Variants in L3MBTL1 observed in about 807,000 individuals in gnomAD.
The protein encoded by L3MBTL1 is L3MBTL histone methyl-lysine binding protein 1.
L3MBTL1 carries 75 observed loss-of-function variants against 105.3 expected under a neutral mutation model. The observed-to-expected ratio is 0.71, with a 90% CI of 0.59 to 0.86. L3MBTL1 has a LOEUF of 0.86. L3MBTL1 is among the 40% of genes least tolerant of loss of function. The pLI is 0.00. For missense variants in L3MBTL1, 1,069 were observed against 1,126.4 expected (o/e 0.95, Z 0.73); for synonymous variants, 452 against 436.2 (o/e 1.04, Z -0.45).
intron 16 of L3MBTL1, 43 bp downstream of exon 16, chr20:43,534,985 G>A (rs770106292): frequency 7.2e-7 from 1 of 1,389,300 alleles, no homozygotes; most frequent in Non-Finnish European, 9.9e-7. Flanking sequence ...TTTCCCCCCA[G>A]GTTCTGACAA....
chr20:43,516,337 T>G (rs1369566714), intron 7 of L3MBTL1, among the ~76,000 whole-genome samples, 160 bp downstream of exon 7: 1 of 152,108 alleles, frequency 6.6e-6, no homozygotes, highest in East Asian at 1.9e-4. Flanking sequence ...GAGAGACTAT[T>G]TTGGGTTTGT....
At chr20:43,514,337 C>T (rs1418875760) in intron 3 of L3MBTL1, 6 of 1,117,402 alleles carry the variant, frequency 5.4e-6, no homozygotes, top group Non-Finnish European at 7.4e-6. Context: ...CCTGAGTGGG[C>T]CTGTGTTAGT....
In L3MBTL1 at chr20:43,516,130, C is replaced by G; in HGVS notation, c.815C>G (p.Pro272Arg). 1 of 1,614,056 alleles carries G rather than the reference C, an allele frequency of 6.2e-7. No individual in the cohort carries two copies. The highest frequency in any genetic ancestry group is 8.5e-7 in the Non-Finnish European group (1 of 1,179,968). Residue 272 changes from proline to arginine, a missense_variant, in exon 7 of 22, where the codon CCC (proline) becomes CGC (arginine). Coordinates refer to ENST00000418998, the MANE Select transcript of L3MBTL1 (RefSeq NM_001377303.1). ...GAAGGAAAGGACCCAGAGGGACAACCCACTGCTAGCACCCCAGAGAGTGAG... is the reference window on the plus strand; with the variant it reads ...GAAGGAAAGGACCCAGAGGGACAACGCACTGCTAGCACCCCAGAGAGTGAG... ...QEEGKDPEGQ[P>R]TASTPESEEW...
intron 8 of L3MBTL1, 170 bp downstream of exon 8, chr20:43,528,915 G>A (rs1301442198): frequency 1.6e-6 from 1 of 621,996 alleles, no homozygotes; most frequent in African/African-American, 1.8e-5. Context: ...CCCCCATAAG[G>A]GGCTGGCAGG....
At chr20:43,524,943 AC>A (rs1331147635) in intron 7 of L3MBTL1, among the ~76,000 whole-genome samples, 2 of 152,112 alleles carry the variant, frequency 1.3e-5, no homozygotes, top group African/African-American at 4.8e-5. Flanking sequence ...GAAAATAAAC[AC>A]GTTTTTTCAT....
chr20:43,531,336 G>T (rs764507025), intron 11 of L3MBTL1: 32 of 158,674 alleles, frequency 2.0e-4, no homozygotes, highest in Non-Finnish European at 3.2e-4. Context: ...CCTCTGTTCA[G>T]GGCAGCTGGC....
At chr20:43,530,132 T>G in intron 9 of L3MBTL1, 152 bp from the exon 10 acceptor site, 1 of 863,440 alleles carries the variant, frequency 1.2e-6, no homozygotes, top group East Asian at 2.4e-5. Context: ...TAGGACAGGG[T>G]GGGGTACAAT....
intron 7 of L3MBTL1, among the ~76,000 whole-genome samples, chr20:43,520,738 G>A (rs891784987): frequency 6.6e-6 from 1 of 152,066 alleles, no homozygotes; most frequent in African/African-American, 2.4e-5. Context: ...TTTAAATTGG[G>A]TTTAAAAAAC....
Position 43,513,990 on chromosome 20 carries a change from T to TCCAGCA in L3MBTL1, c.297_302dup (p.Ser100_Thr101dup), listed in dbSNP as rs1369910904. On this transcript the variant is annotated inframe_insertion, in exon 3 of 22. Transcript: ENST00000418998. Reference sequence around the variant, plus strand: ...GCAGCTTAGCGCCGGGCCGGCCAGCTCCAGCACCAGCACAGTGCGGCTTCT... The same window carrying TCCAGCA: ...GCAGCTTAGCGCCGGGCCGGCCAGCTCCAGCACCAGCACCAGCACAGTGCGGCTTCT... 8 of 1,544,434 alleles carry TCCAGCA rather than the reference T, an allele frequency of 5.2e-6. No homozygotes were observed. Among genetic ancestry groups the TCCAGCA allele is most frequent in the Admixed American group, 2.0e-5 (1 of 50,980 alleles).
chr20:43,541,380 G>A lies in L3MBTL1; in HGVS notation c.*252G>A, dbSNP rs2019908301. 1.8e-6 allele frequency: 1 copy of A among 551,512 alleles called. No individual in the cohort carries two copies. The highest frequency in any genetic ancestry group is 3.0e-6 in the Non-Finnish European group (1 of 332,844). The allele number at this position is 551,512 out of a possible 1,614,324, so 34.2% of individuals were successfully genotyped here. On this transcript the variant is annotated 3_prime_UTR_variant, in exon 22 of 22. Transcript: ENST00000418998. ...TGTCTGTAAAATGGAGATAAAATGG[G>A]TTTAATGAGGTCTACCTTGCAGAGC... is the stretch of plus-strand genomic sequence containing the variant.
At chr20:43,531,158 C>T in intron 11 of L3MBTL1, 1 of 453,702 alleles carries the variant, frequency 2.2e-6, no homozygotes, top group South Asian at 3.5e-5. Flanking sequence ...TGGCCCACTA[C>T]CCTAGTCTGA....
chr20:43,549,729 CATGTGT>C (rs1568646444), exon 19 of L3MBTL1: 1 of 114,704 alleles, frequency 8.7e-6, no homozygotes, highest in Non-Finnish European at 1.8e-5. Context: ...TGTGTGTGTG[CATGTGT>C]GTGTGTGTGT....
chr20:43,528,038 A>G (rs925782880), intron 7 of L3MBTL1, among the ~76,000 whole-genome samples: 4 of 152,018 alleles, frequency 2.6e-5, no homozygotes, highest in African/African-American at 4.8e-5. Context: ...GATTACAGGC[A>G]TGTACCACCA....
chr20:43,540,155 C>T lies in L3MBTL1; in HGVS notation c.2178C>T (p.Leu726=). Residue 726 remains leucine, a synonymous_variant, in exon 20 of 22, where the codon CTC becomes CTT. Transcript: ENST00000418998. ...GCCTCTGCCTCTGCTTTCCAGCCCT[C>T]ACGCCCGATGTCGTGCACCAGTCCC... The part of the protein sequence containing the change: ...RKIPQEDFQT[L]TPDVVHQSLF... 1 of 1,611,738 alleles carries T rather than the reference C, an allele frequency of 6.2e-7. No individual in the cohort carries two copies. Among genetic ancestry groups the T allele is most frequent in the South Asian group, 1.1e-5 (1 of 91,084 alleles).
chr20:43,527,324 T>C (rs1407109786), intron 7 of L3MBTL1, among the ~76,000 whole-genome samples: 1 of 152,262 alleles, frequency 6.6e-6, no homozygotes, highest in Non-Finnish European at 1.5e-5. Flanking sequence ...GTTACGTCTT[T>C]AGTTGTCTGT....
chr20:43,512,532 A>T lies in L3MBTL1; in HGVS notation c.-28-944A>T, dbSNP rs192003290. The stretch of plus-strand genomic sequence containing the variant: ...ACCTTCTGGTCACTATTTAAATTTA[A>T]TTAAAATTAAATAAAATAAAAAATT... On this transcript the variant is annotated intron_variant, in intron 1 of 21. Transcript: ENST00000418998. Among the ~76,000 whole-genome samples the T allele has an allele frequency of 3.9e-5, 6 of 152,322 alleles. No individual in the cohort carries two copies. The East Asian group carries it at 7.7e-4, about 20-fold the overall frequency.
At chr20:43,525,251 G>A (rs1177428102) in intron 7 of L3MBTL1, among the ~76,000 whole-genome samples, 6 of 152,154 alleles carry the variant, frequency 3.9e-5, no homozygotes, top group African/African-American at 1.4e-4. Context: ...TTACAAGTTT[G>A]GTTTTAGATC....
At position 43,532,850 on chromosome 20, in the gene L3MBTL1, G is replaced by A; in HGVS notation, c.1362G>A (p.Val454=). Residue 454 remains valine, a synonymous_variant, in exon 12 of 22, where the codon GTG becomes GTA. Coordinates refer to ENST00000418998, the MANE Select transcript of L3MBTL1 (RefSeq NM_001377303.1). ...GCATGAACCCGTCCCTTGTCTGCGTGGCCAGTGTGACCGATGTGGTGGACA... is the reference window on the plus strand; with the variant it reads ...GCATGAACCCGTCCCTTGTCTGCGTAGCCAGTGTGACCGATGTGGTGGACA... ...VDRMNPSLVC[V]ASVTDVVDSR... is the part of the protein sequence containing the mutation. The A allele has an allele frequency of 1.2e-6, 2 of 1,614,204 alleles. No individual in the cohort carries two copies. The highest frequency in any genetic ancestry group is 1.7e-6 in the Non-Finnish European group (2 of 1,180,036).
intron 9 of L3MBTL1, among the ~76,000 whole-genome samples, chr20:43,529,582 C>A (rs984288514): frequency 3.9e-5 from 6 of 152,180 alleles, no homozygotes; most frequent in African/African-American, 1.4e-4. Flanking sequence ...ACTGTCCACT[C>A]TGGGGGAGCT....
Sources: gnomAD v4.1 joint callset for allele counts (sites outside exome capture counted in the v4.1 genomes callset) on GRCh38, gnomAD v4.1.1 for gene constraint, MANE v1.5 for transcripts, NCBI Gene and HGNC (gene_info 2026-07-23, HGNC 2026-07-21) for gene names.